HARS2: variants seen among roughly 807,000 people sequenced by gnomAD.
The protein encoded by HARS2 is histidine--tRNA ligase, mitochondrial.
A neutral mutation model predicts 62.4 loss-of-function variants in HARS2; 40 were observed. The ratio of observed to expected loss-of-function variants is 0.64; its 90% CI spans 0.50 to 0.83. The LOEUF is 0.83. HARS2 is among the 40% of genes least tolerant of loss of function. The probability of loss-of-function intolerance (pLI) is 0.00; values close to 1 mark genes in which losing one functional copy is unlikely to be tolerated. For missense variants in HARS2, 569 were observed against 626.4 expected (o/e 0.91, Z 0.98); for synonymous variants, 228 against 227.0 (o/e 1.00, Z -0.04).
chr5:140,696,436 T>C, intron 7 of HARS2, 85 bp from the exon 8 acceptor site: 2 of 1,041,390 alleles, frequency 1.9e-6, no homozygotes, highest in Non-Finnish European at 3.0e-6. Flanking sequence ...TTGTGATGTA[T>C]ATACTGAATG....
chr5:140,693,167 A>G (rs1473104755), intron 1 of HARS2, among the ~76,000 whole-genome samples: 6 of 151,608 alleles, frequency 4.0e-5, no homozygotes, highest in Non-Finnish European at 7.4e-5. Flanking sequence ...CCCCATCTCT[A>G]CTAAAAATAC....
chr5:140,698,861 C>G lies in HARS2; in HGVS notation c.*309C>G, dbSNP rs569192471. On this transcript the variant is annotated 3_prime_UTR_variant, in exon 13 of 13. Coordinates refer to ENST00000230771, the MANE Select transcript of HARS2 (RefSeq NM_012208.4). ...TGAGATTGTTGCTGTGAGCAAGGCT[C>G]TGGGAGAGTCACCTCAGGCTCAGGA... 9.4e-6 allele frequency: 4 copies of G among 425,696 alleles called. No homozygotes were observed. The highest frequency in any genetic ancestry group is 8.1e-5 in the African/African-American group (4 of 49,526). The allele number at this position is 425,696 out of a possible 1,614,324, so 26.4% of individuals were successfully genotyped here. A position where few individuals can be genotyped will look rare whatever the true frequency, so the allele number is the denominator to read the frequency against.
Position 140,695,855 on chromosome 5 carries a change from G to A in HARS2, c.633+10G>A. Reference sequence around the variant, plus strand: ...AGACTTTCTCATTAAGGTGAGGCCAGGGCTGAGAACTGTGGGAGAAGTCTG... The same window carrying A: ...AGACTTTCTCATTAAGGTGAGGCCAAGGCTGAGAACTGTGGGAGAAGTCTG... On this transcript the variant is annotated intron_variant, in intron 6 of 12. Coordinates refer to ENST00000230771, the MANE Select transcript of HARS2 (RefSeq NM_012208.4). The A allele has an allele frequency of 6.3e-7, 1 of 1,575,190 alleles. No homozygotes were observed. Among genetic ancestry groups the A allele is most frequent in the Non-Finnish European group, 8.7e-7 (1 of 1,144,410 alleles).
chr5:140,698,566 C>T lies in HARS2; in HGVS notation c.*14C>T, dbSNP rs1207147853. The T allele has an allele frequency of 1.3e-5, 20 of 1,598,966 alleles. 1 individual carries two copies. In the Admixed American group the frequency reaches 3.3e-4, roughly 27 times the overall value. On this transcript the variant is annotated 3_prime_UTR_variant, in exon 13 of 13. Coordinates refer to ENST00000230771, the MANE Select transcript of HARS2 (RefSeq NM_012208.4). ...TCTGAGTCTTGATCCTTGCCTGATTCCCATCTGCTGCTCTTTGTAGAAAAG... is the reference window on the plus strand; with the variant it reads ...TCTGAGTCTTGATCCTTGCCTGATTTCCATCTGCTGCTCTTTGTAGAAAAG...
chr5:140,692,379 C>T lies in HARS2; in HGVS notation c.108+623C>T, dbSNP rs1425404473. On this transcript the variant is annotated intron_variant, in intron 1 of 12. Transcript: ENST00000230771. ...CTTACTTCGGAAAGATTCTAATGCT[C>T]TCTTAGCAGATGCTTTGTGCTATCG... is the stretch of plus-strand genomic sequence containing the variant. 2.6e-5 allele frequency: 4 copies of T among 155,494 alleles called. No individual in the cohort carries two copies. The East Asian group carries it at 5.7e-4, about 22-fold the overall frequency. The allele number at this position is 155,494 out of a possible 1,614,324, so 9.6% of individuals were successfully genotyped here. A position where few individuals can be genotyped will look rare whatever the true frequency, so the allele number is the denominator to read the frequency against.
At chr5:140,695,389 A>G (rs1759699932) in intron 4 of HARS2, 119 bp from the exon 5 acceptor site, 3 of 1,121,424 alleles carry the variant, frequency 2.7e-6, no homozygotes, top group African/African-American at 3.1e-5. Flanking sequence ...AGTGGAAAAA[A>G]GGGAAGGTCC....
intron 4 of HARS2, among the ~76,000 whole-genome samples, chr5:140,695,264 T>G (rs1282332302): frequency 6.6e-6 from 1 of 152,244 alleles, no homozygotes; most frequent in African/African-American, 2.4e-5. Context: ...CTTGGGTCAC[T>G]TCTATCTCTA....
At chr5:140,696,886 G>T (rs558534069) in intron 8 of HARS2, 57 bp from the exon 9 acceptor site, 1 of 1,515,892 alleles carries the variant, frequency 6.6e-7, no homozygotes. Context: ...AGCACATTAG[G>T]GATAATTTTG....
In HARS2 at chr5:140,694,204, A is replaced by G. The variant is rs1759659676; in HGVS notation, c.323A>G (p.Tyr108Cys). The change falls in exon 4 of 13, where the codon TAT (tyrosine) becomes TGT (cysteine). Residue 108 changes from tyrosine (Y) to cysteine (C), a missense_variant. Coordinates refer to ENST00000230771, the MANE Select transcript of HARS2 (RefSeq NM_012208.4). ...FELKETLTEK[Y>C]GEDSGLMYDL... is the part of the protein sequence containing the mutation. ...CTATAGGAAACCCTGACTGAGAAGTATGGAGAGGACTCTGGGCTCATGTAT... is the reference window on the plus strand; with the variant it reads ...CTATAGGAAACCCTGACTGAGAAGTGTGGAGAGGACTCTGGGCTCATGTAT... 3 of 1,613,562 alleles carry G rather than the reference A, an allele frequency of 1.9e-6. No homozygotes were observed. The highest frequency in any genetic ancestry group is 2.2e-5 in the East Asian group (1 of 44,882).
chr5:140,691,510 A>G lies in HARS2; in HGVS notation c.-139A>G, dbSNP rs1163308586. ...GGATCCCACCTCAGCCTTCGTGACT[A>G]GTGAGGTGCGCAAACGCCCGAGTTT... On this transcript the variant is annotated 5_prime_UTR_variant, in exon 1 of 13. Transcript: ENST00000230771. The G allele has an allele frequency of 1.6e-5, 12 of 745,664 alleles. No homozygotes were observed. The highest frequency in any genetic ancestry group is 3.6e-4 in the Middle Eastern group (1 of 2,774). The allele number at this position is 745,664 out of a possible 1,614,324, so 46.2% of individuals were successfully genotyped here.
chr5:140,696,373 G>A, intron 7 of HARS2, 148 bp from the exon 8 acceptor site: 1 of 804,464 alleles, frequency 1.2e-6, no homozygotes. Flanking sequence ...AGTGGGGATT[G>A]TGACTGGATT....
At position 140,695,602 on chromosome 5, in the gene HARS2, T is replaced by G; in HGVS notation, c.494T>G (p.Val165Gly). The change falls in exon 5 of 13, where the codon GTC (valine) becomes GGC (glycine). Residue 165 changes from valine (V) to glycine (G), a missense_variant. Physicochemically the swap from Val to Gly is moderately radical, Grantham distance 109. Transcript: ENST00000230771. ...KVWRRESPTI[V>G]QGRYREFCQC... ...TGGCGGCGAGAGAGCCCAACCATAG[T>G]CCAAGGCCGTTATAGGGAGTTCTGC... 6.2e-7 allele frequency: 1 copy of G among 1,614,200 alleles called. No homozygotes were observed. Among genetic ancestry groups the G allele is most frequent in the Non-Finnish European group, 8.5e-7 (1 of 1,180,026 alleles).
chr5:140,696,876 A>T, intron 8 of HARS2, 67 bp from the exon 9 acceptor site: 1 of 1,251,294 alleles, frequency 8.0e-7, no homozygotes, highest in African/African-American at 1.5e-5. Context: ...GACTAGCTAG[A>T]GCACATTAGG....
rs112769758 is a variant in HARS2 at position 140,692,152 on chromosome 5, C to A, written c.108+396C>A. 7.2e-3 allele frequency: 1,396 copies of A among 195,036 alleles called. 18 individuals carry two copies. Among genetic ancestry groups the A allele is most frequent in the African/African-American group, 0.031 (1,328 of 42,562 alleles). 12.1% of individuals were successfully genotyped at this position (195,036 alleles called of 1,614,324 possible). On this transcript the variant is annotated intron_variant, in intron 1 of 12. Transcript: ENST00000230771. ...AAGATCAGAAGTAGACTGAGTTCAT[C>A]TTAGAATTTACCTCAAAATGAATCT...
chr5:140,693,839 A>G, intron 2 of HARS2, 96 bp from the exon 3 acceptor site: 5 of 1,429,256 alleles, frequency 3.5e-6, no homozygotes, highest in Non-Finnish European at 4.9e-6. Context: ...TTTCAGCTCC[A>G]GACCTGAGAT....
chr5:140,691,738 G>A lies in HARS2; in HGVS notation c.90G>A (p.Ala30=), dbSNP rs546080482. The change falls in exon 1 of 13, where the codon GCG becomes GCA. Residue 30 remains alanine, a synonymous_variant. Coordinates refer to ENST00000230771, the MANE Select transcript of HARS2 (RefSeq NM_012208.4). The part of the protein sequence containing the change: ...LRPPCASCTG[A]VRCQSQVAEA... Reference sequence around the variant, plus strand: ...CGCCCTGCGCTTCGTGCACCGGGGCGGTCCGTTGCCAAAGCCAGGTGAGCG... The same window carrying A: ...CGCCCTGCGCTTCGTGCACCGGGGCAGTCCGTTGCCAAAGCCAGGTGAGCG... 4.5e-6 allele frequency: 7 copies of A among 1,551,582 alleles called. No individual in the cohort carries two copies. Among genetic ancestry groups the A allele is most frequent in the African/African-American group, 1.4e-5 (1 of 73,282 alleles).
At chr5:140,695,281 T>G (rs560995227) in intron 4 of HARS2, among the ~76,000 whole-genome samples, 2 of 152,334 alleles carry the variant, frequency 1.3e-5, no homozygotes, top group South Asian at 4.1e-4. Flanking sequence ...TCTACTTGCC[T>G]TGCTTTCTGC....
In HARS2 at chr5:140,691,622, C is replaced by T; in HGVS notation, c.-27C>T. ...TCCTTCCCAGGCCTTTTGTTCCTGT[C>T]CCGGAAAGCCGGCGTCCTGCCGCGC... On this transcript the variant is annotated 5_prime_UTR_variant, in exon 1 of 13. Coordinates refer to ENST00000230771, the MANE Select transcript of HARS2 (RefSeq NM_012208.4). The T allele has an allele frequency of 6.9e-7, 1 of 1,456,776 alleles. No homozygotes were observed. The highest frequency in any genetic ancestry group is 9.4e-7 in the Non-Finnish European group (1 of 1,061,732). The allele number at this position is 1,456,776 out of a possible 1,614,324, so 90.2% of individuals were successfully genotyped here.
chr5:140,696,711 T>C, intron 8 of HARS2, 97 bp downstream of exon 8: 1 of 970,228 alleles, frequency 1.0e-6, no homozygotes, highest in Non-Finnish European at 1.7e-6. Context: ...GTAGATATGC[T>C]AAGCTCCAGG....
Sources: allele counts gnomAD v4.1 joint callset (sites outside exome capture counted in the v4.1 genomes callset), GRCh38; gene constraint gnomAD v4.1.1; transcripts MANE v1.5; gene names NCBI Gene and HGNC (gene_info 2026-07-23, HGNC 2026-07-21).